Variants in SIMC1 observed in about 807,000 individuals in gnomAD.
SIMC1 encodes SUMO interacting motifs containing 1, also known as SUMO-interacting motif-containing protein 1.
SIMC1 carries 55 observed loss-of-function variants against 82.3 expected under a neutral mutation model. The observed-to-expected ratio is 0.67, with a 90% CI of 0.54 to 0.84. SIMC1 has a LOEUF of 0.84. Ranked by LOEUF, SIMC1 falls within the 40% of genes least tolerant of loss-of-function variation. SIMC1 has a pLI of 0.00. For synonymous variants in SIMC1, 353 were observed against 426.3 expected (o/e 0.83, Z 2.12); for missense variants, 915 against 1,107.2 (o/e 0.83, Z 2.46).
intron 1 of SIMC1, among the ~76,000 whole-genome samples, chr5:176,277,582 G>T (rs1290733748): frequency 6.6e-6 from 1 of 152,012 alleles, no homozygotes; most frequent in Non-Finnish European, 1.5e-5. Flanking sequence ...ATAGTTTTAG[G>T]TCTAACGTTT....
intron 2 of SIMC1, among the ~76,000 whole-genome samples, chr5:176,294,636 C>A (rs1032963878): frequency 4.0e-5 from 6 of 150,592 alleles, no homozygotes; most frequent in African/African-American, 1.5e-4. Context: ...TTGCTATCTT[C>A]AACGTATTCT....
chr5:176,305,541 G>A (rs1764299339), intron 4 of SIMC1, among the ~76,000 whole-genome samples: 1 of 141,592 alleles, frequency 7.1e-6, no homozygotes, highest in African/African-American at 2.7e-5. Context: ...GGGGGGGTCA[G>A]CCCCCCGCCT....
chr5:176,290,317 C>T lies in SIMC1; in HGVS notation c.793C>T (p.Pro265Ser), dbSNP rs765272049. 1.2e-6 allele frequency: 2 copies of T among 1,613,958 alleles called. No homozygotes were observed. Among genetic ancestry groups the T allele is most frequent in the Admixed American group, 1.7e-5 (1 of 60,010 alleles). ...CCAACTACCAGCTCTAACTCACCCA[C>T]CTCAAGAAGTGCCATGCCCTCGGCA... ...QCQLPALTHP[P>S]QEVPCPRQNI... The change falls in exon 2 of 10, where the codon CCT becomes TCT. Residue 265 changes from proline to serine, a missense_variant. Coordinates refer to ENST00000429602, the MANE Select transcript of SIMC1 (RefSeq NM_001308195.2).
intron 1 of SIMC1, among the ~76,000 whole-genome samples, chr5:176,257,624 C>G (rs2113137054): frequency 6.6e-6 from 1 of 152,278 alleles, no homozygotes; most frequent in East Asian, 1.9e-4. Context: ...TACCTCCCAC[C>G]AGGCCCCACC....
At chr5:176,282,939 A>C (rs1192128050) in intron 1 of SIMC1, among the ~76,000 whole-genome samples, 2 of 152,248 alleles carry the variant, frequency 1.3e-5, no homozygotes, top group Non-Finnish European at 2.9e-5. Context: ...TGAAGATCAA[A>C]TGAATGAAAT....
rs188679815 is a variant in SIMC1, at chr5:176,257,034, T to G, written c.129+18397T>G. On this transcript the variant is annotated intron_variant, in intron 1 of 9. Transcript: ENST00000429602. ...GGCCTCCCAAAGCACTGGGATTACATGTGTGAGCCACCACACCTGGCCCGT... is the reference window on the plus strand; with the variant it reads ...GGCCTCCCAAAGCACTGGGATTACAGGTGTGAGCCACCACACCTGGCCCGT... 2.3e-3 allele frequency among the ~76,000 whole-genome samples: 356 copies of G among 152,340 alleles called. 4 individuals are homozygous for G. The highest frequency in any genetic ancestry group is 6.8e-3 in the Middle Eastern group (2 of 294).
chr5:176,246,407 GGTGTGTGTGTGTGTGTGTGT>G (rs57262987), intron 1 of SIMC1, among the ~76,000 whole-genome samples: 5 of 136,972 alleles, frequency 3.7e-5, no homozygotes, highest in East Asian at 2.2e-4. Flanking sequence ...ATAGTTCAGG[GGTGTGTGTGTGTGTGTGTGT>G]GTGTGTGTGT....
intron 1 of SIMC1, among the ~76,000 whole-genome samples, chr5:176,251,615 G>C (rs1761656138): frequency 6.6e-6 from 1 of 151,538 alleles, no homozygotes; most frequent in Non-Finnish European, 1.5e-5. Flanking sequence ...ATCATTCTGG[G>C]GTGTTTCTCG....
At chr5:176,277,470 A>G (rs1266502668) in intron 1 of SIMC1, among the ~76,000 whole-genome samples, 2 of 151,708 alleles carry the variant, frequency 1.3e-5, no homozygotes, top group South Asian at 2.1e-4. Context: ...CCATTTGTCA[A>G]TTTTGGCTTT....
chr5:176,286,480 ATTAAT>A (rs1449164292), intron 1 of SIMC1, among the ~76,000 whole-genome samples: 1 of 152,248 alleles, frequency 6.6e-6, no homozygotes, highest in African/African-American at 2.4e-5. Flanking sequence ...TTATACAAAA[ATTAAT>A]TCAAGATGGA....
At chr5:176,343,147 G>C (rs1766225992) in intron 9 of SIMC1, among the ~76,000 whole-genome samples, 1 of 152,140 alleles carries the variant, frequency 6.6e-6, no homozygotes, top group Non-Finnish European at 1.5e-5. Context: ...TGAAGGTTGA[G>C]AAAAAACATA....
At position 176,324,539 on chromosome 5, in the gene SIMC1, C is replaced by T. The variant is rs867506897; in HGVS notation, c.2043-90C>T. On this transcript the variant is annotated intron_variant, in intron 6 of 9. Coordinates refer to ENST00000429602, the MANE Select transcript of SIMC1 (RefSeq NM_001308195.2). ...AAGATCCTTTAGTAGTCTCTACTCT[C>T]GATGTACACTGGTGGGGACCTCCTC... 5.6e-5 allele frequency: 76 copies of T among 1,357,252 alleles called. 1 individual carries two copies. The Middle Eastern group carries it at 1.1e-3, about 19-fold the overall frequency. 84.1% of individuals were successfully genotyped at this position (1,357,252 alleles called of 1,614,324 possible).
chr5:176,261,768 A>G (rs979208657), intron 1 of SIMC1, among the ~76,000 whole-genome samples: 3 of 152,270 alleles, frequency 2.0e-5, no homozygotes, highest in African/African-American at 7.2e-5. Flanking sequence ...GGAAAAAAAA[A>G]AGTTTTATGA....
intron 1 of SIMC1, among the ~76,000 whole-genome samples, chr5:176,282,256 T>C (rs1763046043): frequency 6.6e-6 from 1 of 152,228 alleles, no homozygotes; most frequent in Non-Finnish European, 1.5e-5. Context: ...TATAATCTCC[T>C]GGTGCGCCCT....
chr5:176,323,998 A>AT lies in SIMC1; in HGVS notation c.2043-631_2043-630insT, dbSNP rs1205530377. On this transcript the variant is annotated intron_variant, in intron 6 of 9. Coordinates refer to ENST00000429602, the MANE Select transcript of SIMC1 (RefSeq NM_001308195.2). ...GCTAGACTCCATCTCAAAAAAAAAAAAAAAAAAAAAAAAAAACACGTGTTA... is the reference window on the plus strand; with the variant it reads ...GCTAGACTCCATCTCAAAAAAAAAAATAAAAAAAAAAAAAAAACACGTGTTA... 2.2e-3 allele frequency among the ~76,000 whole-genome samples: 327 copies of AT among 151,258 alleles called. 6 individuals carry two copies. The highest frequency in any genetic ancestry group is 7.5e-3 in the African/African-American group (308 of 41,254).
At chr5:176,262,296 A>T (rs1762041757) in intron 1 of SIMC1, among the ~76,000 whole-genome samples, 1 of 127,342 alleles carries the variant, frequency 7.9e-6, no homozygotes, top group Admixed American at 7.8e-5. Context: ...AAAAAAAAAA[A>T]AAAGCCTTCC....
intron 9 of SIMC1, among the ~76,000 whole-genome samples, chr5:176,343,767 CTT>C (rs1310438925): frequency 1.3e-5 from 2 of 151,864 alleles, no homozygotes; most frequent in African/African-American, 2.4e-5. Context: ...ACTCACGAAA[CTT>C]TTCTTTTTTT....
chr5:176,294,206 G>A (rs1028778573), intron 2 of SIMC1, among the ~76,000 whole-genome samples: 4 of 152,102 alleles, frequency 2.6e-5, no homozygotes, highest in Non-Finnish European at 5.9e-5. Context: ...CATGTTATAT[G>A]TACAATTTTG....
chr5:176,255,129 T>C (rs1323834464), intron 1 of SIMC1, among the ~76,000 whole-genome samples: 1 of 150,584 alleles, frequency 6.6e-6, no homozygotes, highest in South Asian at 2.1e-4. Flanking sequence ...ATACAAAAAT[T>C]AGCCAGCATG....
Sources: gnomAD v4.1 joint callset for allele counts (sites outside exome capture counted in the v4.1 genomes callset) on GRCh38, gnomAD v4.1.1 for gene constraint, MANE v1.5 for transcripts, NCBI Gene and HGNC (gene_info 2026-07-23, HGNC 2026-07-21) for gene names.